Variants in PDZRN3 observed in about 807,000 individuals in gnomAD.
PDZRN3 encodes the protein PDZ domain containing ring finger 3.
In PDZRN3, 38 loss-of-function variants were observed where a neutral mutation model predicts 85.7. That is an observed-to-expected ratio of 0.44 (90% CI 0.34 to 0.58). PDZRN3 has a LOEUF of 0.58. Among genes scored for constraint, PDZRN3 ranks in the 20% least tolerant of loss-of-function variants. The pLI, the probability that PDZRN3 is intolerant of heterozygous loss-of-function variation, is 0.01. For synonymous variants in PDZRN3, 759 were observed against 638.0 expected (o/e 1.19, Z -2.86); for missense variants, 1,629 against 1,506.4 (o/e 1.08, Z -1.35).
chr3:73,385,123 A>C (rs1444327973), intron 9 of PDZRN3, among the ~76,000 whole-genome samples, 193 bp from the exon 10 acceptor site: 1 of 152,202 alleles, frequency 6.6e-6, no homozygotes. Flanking sequence ...TGGGCAAGTC[A>C]CTTATTCTTG....
At chr3:73,465,174 G>A (rs1280082562) in intron 3 of PDZRN3, among the ~76,000 whole-genome samples, 2 of 152,098 alleles carry the variant, frequency 1.3e-5, no homozygotes, top group African/African-American at 4.8e-5. Flanking sequence ...AGGCAGAGTC[G>A]GTATAAAATC....
chr3:73,383,610 T>C lies in PDZRN3; in HGVS notation c.2956A>G (p.Lys986Glu). The change falls in exon 10 of 10, where the codon AAG becomes GAG. Residue 986 changes from lysine to glutamate, a missense_variant. Lys to Glu is a moderately conservative substitution (Grantham distance 56, BLOSUM62 1). Coordinates refer to ENST00000263666, the MANE Select transcript of PDZRN3 (RefSeq NM_015009.3). ...AACTCGCGCCGCCGCCGCTGCTCCT[T>C]GGCCTTCACCAGGTGCTGCTTCCTC... Reference protein sequence around the residue: ...EERKQHLVKAKEQRRRREFMM... With the variant: ...EERKQHLVKAEEQRRRREFMM... The C allele has an allele frequency of 1.2e-6, 2 of 1,614,022 alleles. No homozygotes were observed. The highest frequency in any genetic ancestry group is 1.7e-6 in the Non-Finnish European group (2 of 1,180,030).
chr3:73,580,773 G>A (rs113847415), intron 3 of PDZRN3, among the ~76,000 whole-genome samples: 1 of 152,166 alleles, frequency 6.6e-6, no homozygotes, highest in African/African-American at 2.4e-5. Flanking sequence ...CCTACAAAAA[G>A]TGCATATGGA....
chr3:73,508,889 G>C (rs1356335598), intron 3 of PDZRN3, among the ~76,000 whole-genome samples: 2 of 152,084 alleles, frequency 1.3e-5, no homozygotes, highest in African/African-American at 4.8e-5. Flanking sequence ...ATAAACCTCT[G>C]GCAACAGAGC....
At chr3:73,507,336 A>G (rs1704086149) in intron 3 of PDZRN3, among the ~76,000 whole-genome samples, 1 of 152,032 alleles carries the variant, frequency 6.6e-6, no homozygotes, top group African/African-American at 2.4e-5. Context: ...ATGCCTGGAT[A>G]ATTTTTGTAT....
At chr3:73,435,104 C>A (rs571400908) in intron 3 of PDZRN3, among the ~76,000 whole-genome samples, 31 of 152,296 alleles carry the variant, frequency 2.0e-4, no homozygotes, top group African/African-American at 6.7e-4. Context: ...TGCCATGGGG[C>A]CTGAAGAATA....
intron 2 of PDZRN3, among the ~76,000 whole-genome samples, chr3:73,608,171 T>A (rs1013800589): frequency 1.3e-5 from 2 of 152,146 alleles, no homozygotes; most frequent in African/African-American, 2.4e-5. Flanking sequence ...AATTAGAGAA[T>A]TGTCTCTGAC....
chr3:73,383,951 T>C lies in PDZRN3; in HGVS notation c.2615A>G (p.His872Arg). ...GTAGTGCTGGGCGTGCGCCGGGATGTGCGCGTGCTTGTATGGGGAGTGGTG... is the reference window on the plus strand; with the variant it reads ...GTAGTGCTGGGCGTGCGCCGGGATGCGCGCGTGCTTGTATGGGGAGTGGTG... ...SYHHSPYKHA[H>R]IPAHAQHYQS... The change falls in exon 10 of 10, where the codon CAC becomes CGC. Residue 872 changes from histidine (H) to arginine (R), a missense_variant. Physicochemically the swap from His to Arg is conservative, Grantham distance 29 (BLOSUM62 0). Transcript: ENST00000263666. 1 of 1,601,300 alleles carries C rather than the reference T, an allele frequency of 6.2e-7. No individual in the cohort carries two copies. The highest frequency in any genetic ancestry group is 1.3e-5 in the African/African-American group (1 of 74,896).
intron 3 of PDZRN3, among the ~76,000 whole-genome samples, chr3:73,570,563 G>A (rs1227266084): frequency 6.6e-6 from 1 of 152,174 alleles, no homozygotes; most frequent in Non-Finnish European, 1.5e-5. Flanking sequence ...CATTCATAGA[G>A]TCCTCTAAAA....
intron 3 of PDZRN3, among the ~76,000 whole-genome samples, chr3:73,556,441 T>C (rs1171057771): frequency 1.3e-5 from 2 of 152,070 alleles, no homozygotes; most frequent in African/African-American, 2.4e-5. Context: ...ATATATATTT[T>C]TATCAAAAGA....
chr3:73,547,561 G>A (rs1701454788), intron 3 of PDZRN3, among the ~76,000 whole-genome samples: 1 of 152,214 alleles, frequency 6.6e-6, no homozygotes, highest in Non-Finnish European at 1.5e-5. Context: ...TCCAGGTGTG[G>A]CCATCTGGCC....
chr3:73,504,616 T>C (rs1284734641), intron 3 of PDZRN3, among the ~76,000 whole-genome samples: 8 of 152,220 alleles, frequency 5.3e-5, no homozygotes, highest in African/African-American at 1.9e-4. Context: ...ATTTGGTTGG[T>C]GATTACAGAT....
intron 3 of PDZRN3, among the ~76,000 whole-genome samples, chr3:73,545,923 T>A (rs1701413366): frequency 6.6e-6 from 1 of 152,122 alleles, no homozygotes; most frequent in Admixed American, 6.6e-5. Flanking sequence ...ATCTTTTATT[T>A]TTTTAACAAA....
intron 3 of PDZRN3, among the ~76,000 whole-genome samples, chr3:73,587,469 T>C (rs1319281865): frequency 6.6e-6 from 1 of 152,208 alleles, no homozygotes; most frequent in Admixed American, 6.5e-5. Flanking sequence ...CGGACAAATG[T>C]ACATACAGTA....
rs146299307 is a variant in PDZRN3, at chr3:73,524,561, C to A, written c.918+77793G>T. 2.0e-5 allele frequency among the ~76,000 whole-genome samples: 3 copies of A among 152,138 alleles called. No individual in the cohort carries two copies. In the South Asian group the frequency reaches 6.2e-4, roughly 32 times the overall value. ...AGGTGTGCCCTTGGAGATCAGAAAG[C>A]CTTTTTATTAAAAATGAAAGAGAAT... On this transcript the variant is annotated intron_variant, in intron 3 of 9. Coordinates refer to ENST00000263666, the MANE Select transcript of PDZRN3 (RefSeq NM_015009.3).
At chr3:73,610,869 A>C (rs1289212063) in intron 1 of PDZRN3, among the ~76,000 whole-genome samples, 1 of 152,228 alleles carries the variant, frequency 6.6e-6, no homozygotes, top group Non-Finnish European at 1.5e-5. Flanking sequence ...GATAACAGCT[A>C]ACATTTACTG....
chr3:73,451,369 G>A (rs1272873320), intron 3 of PDZRN3, among the ~76,000 whole-genome samples: 2 of 152,174 alleles, frequency 1.3e-5, no homozygotes, highest in Admixed American at 1.3e-4. Context: ...GAGGAGGAAA[G>A]TCTTTTGGAT....
At chr3:73,594,198 T>C (rs962384448) in intron 3 of PDZRN3, among the ~76,000 whole-genome samples, 6 of 152,150 alleles carry the variant, frequency 3.9e-5, no homozygotes, top group African/African-American at 1.4e-4. Context: ...ACATAATATA[T>C]TGTTTAAGGC....
At position 73,384,558 on chromosome 3, in the gene PDZRN3, G is replaced by C. The variant is rs769871075; in HGVS notation, c.2008C>G (p.Pro670Ala). Residue 670 changes from proline (P) to alanine (A), a missense_variant, in exon 10 of 10, where the codon CCC becomes GCC. Coordinates refer to ENST00000263666, the MANE Select transcript of PDZRN3 (RefSeq NM_015009.3). The stretch of plus-strand genomic sequence containing the variant: ...GGGTCACTCTTGCCGGCGTCCAGGG[G>C]GCCGCTAGGGTAGTACAGGCCGTAA... ...TPYGLYYPSG[P>A]LDAGKSDPES... The C allele has an allele frequency of 1.2e-5, 19 of 1,613,596 alleles. No individual in the cohort carries two copies. The highest frequency in any genetic ancestry group is 1.6e-4 in the Middle Eastern group (1 of 6,082).
Sources: gnomAD v4.1 joint callset for allele counts (sites outside exome capture counted in the v4.1 genomes callset) on GRCh38, gnomAD v4.1.1 for gene constraint, MANE v1.5 for transcripts, NCBI Gene and HGNC (gene_info 2026-07-23, HGNC 2026-07-21) for gene names.